The following MFSD11 variants were observed in gnomAD, a reference collection of about 807,000 sequenced individuals.
The protein encoded by MFSD11 is UNC93-like protein MFSD11.
Under a neutral mutation model 53.5 loss-of-function variants are expected in MFSD11, and 36 were observed. The observed-to-expected ratio is 0.67, with a 90% confidence interval of 0.52 to 0.89. MFSD11 has a LOEUF of 0.89. Ranked by LOEUF, MFSD11 falls within the 40% of genes least tolerant of loss-of-function variation. The pLI, the probability that MFSD11 is intolerant of heterozygous loss-of-function variation, is 0.00. For missense variants in MFSD11, 530 were observed against 543.9 expected, an observed-to-expected ratio of 0.97 and a Z score of 0.25; for synonymous variants, 186 against 184.9, an observed-to-expected ratio of 1.01 and a Z score of -0.05.
downstream of MFSD11, among the ~76,000 whole-genome samples, chr17:76,783,113 G>T (rs954638320): frequency 1.3e-5 from 2 of 148,670 alleles, no homozygotes; most frequent in Non-Finnish European, 3.0e-5. Flanking sequence ...GGAGGCAGAG[G>T]TTGCAGTGAG....
intron 7 of MFSD11, among the ~76,000 whole-genome samples, chr17:76,748,570 C>T (rs534678198): frequency 3.9e-5 from 6 of 151,924 alleles, no homozygotes; most frequent in African/African-American, 1.4e-4. Context: ...GCCTGTAGTC[C>T]CAGCTACTTG....
chr17:76,795,892 C>T, the MFSD11 span, among the ~76,000 whole-genome samples: 1 of 150,426 alleles, frequency 6.6e-6, no homozygotes, highest in Non-Finnish European at 1.5e-5. Context: ...GTCTCGATCT[C>T]CTGACCTCGT....
chr17:76,760,605 A>G (rs2080129020), intron 8 of MFSD11, among the ~76,000 whole-genome samples: 1 of 151,476 alleles, frequency 6.6e-6, no homozygotes, highest in Non-Finnish European at 1.5e-5. Flanking sequence ...ATCTCGGCTC[A>G]CTGCAACCTC....
chr17:76,766,096 T>G lies in MFSD11; in HGVS notation c.683-1290T>G, dbSNP rs534619146. On this transcript the variant is annotated intron_variant, in intron 8 of 12. Coordinates refer to ENST00000685175, the MANE Select transcript of MFSD11 (RefSeq NM_001242532.5). ...TAGATAATCTTTTAGAATTTCTTTT[T>G]GTTAGCTAAGTCTTCTGATTTTTCT... 2.1e-3 allele frequency among the ~76,000 whole-genome samples: 314 copies of G among 150,992 alleles called. 2 individuals carry two copies. Among genetic ancestry groups the G allele is most frequent in the African/African-American group, 7.4e-3 (305 of 41,016 alleles).
intron 7 of MFSD11, among the ~76,000 whole-genome samples, chr17:76,745,808 T>TTCAC (rs1568053354): frequency 2.4e-5 from 2 of 84,890 alleles, no homozygotes; most frequent in East Asian, 6.9e-4. Context: ...CACTTTATTA[T>TTCAC]TTACTTATTT....
At chr17:76,743,369 A>G in intron 5 of MFSD11, 29 bp from the exon 6 acceptor site, 1 of 1,423,492 alleles carries the variant, frequency 7.0e-7, no homozygotes, top group Non-Finnish European at 9.7e-7. Context: ...TAATTACCCA[A>G]CATCCTATCC....
chr17:76,789,057 G>A, the MFSD11 span, among the ~76,000 whole-genome samples: 2 of 149,850 alleles, frequency 1.3e-5, no homozygotes, highest in East Asian at 1.9e-4. Flanking sequence ...CAGGAGAATC[G>A]CTTGAACCCA....
At chr17:76,740,917 CTTTT>C (rs529882256) in intron 2 of MFSD11, 36 bp from the exon 3 acceptor site, 371 of 897,918 alleles carry the variant, frequency 4.1e-4, no homozygotes, top group South Asian at 6.6e-4. Context: ...GGGCTTTGTT[CTTTT>C]TTTTTTTTTT....
At chr17:76,744,716 A>T (rs2078393655) in intron 7 of MFSD11, among the ~76,000 whole-genome samples, 2 of 152,058 alleles carry the variant, frequency 1.3e-5, no homozygotes, top group Admixed American at 1.3e-4. Flanking sequence ...GATGTGTGTG[A>T]CCCTGGACAG....
intron 8 of MFSD11, among the ~76,000 whole-genome samples, chr17:76,765,944 A>G (rs1821388089): frequency 1.3e-5 from 2 of 151,600 alleles, no homozygotes; most frequent in South Asian, 4.2e-4. Context: ...TGTTATAATG[A>G]GCCTACACTG....
At chr17:76,755,395 T>C (rs2079460550) in intron 8 of MFSD11, among the ~76,000 whole-genome samples, 2 of 152,228 alleles carry the variant, frequency 1.3e-5, no homozygotes, top group South Asian at 2.1e-4. Context: ...GGGGCAGTTA[T>C]TCTCAAGAAG....
the MFSD11 span, among the ~76,000 whole-genome samples, chr17:76,786,464 G>A: frequency 6.6e-6 from 1 of 152,128 alleles, no homozygotes; most frequent in African/African-American, 2.4e-5. Context: ...TTAACTTGGG[G>A]ATTCACTAGG....
chr17:76,792,127 T>C, the MFSD11 span, among the ~76,000 whole-genome samples: 1 of 148,210 alleles, frequency 6.7e-6, no homozygotes, highest in Non-Finnish European at 1.5e-5. Context: ...AGGCACCCTT[T>C]TTTTTTTTTG....
At chr17:76,759,537 C>T (rs972690741) in intron 8 of MFSD11, among the ~76,000 whole-genome samples, 12 of 152,070 alleles carry the variant, frequency 7.9e-5, no homozygotes, top group African/African-American at 2.9e-4. Context: ...TCACTGCAAC[C>T]TCCGCCCCGC....
chr17:76,758,503 G>A (rs1164860679), intron 8 of MFSD11, among the ~76,000 whole-genome samples: 1 of 150,200 alleles, frequency 6.7e-6, no homozygotes, highest in African/African-American at 2.5e-5. Context: ...GGATTGCTTG[G>A]GCCCTGGAGG....
In MFSD11 at chr17:76,741,961, T is replaced by C. The variant is rs749354555; in HGVS notation, c.261-8T>C. The C allele has an allele frequency of 2.5e-6, 4 of 1,614,178 alleles. No individual in the cohort carries two copies. Among genetic ancestry groups the C allele is most frequent in the Middle Eastern group, 1.7e-4 (1 of 6,060 alleles). ...TTGACTGTAATACCTTGACCTGTTATATTTTAGCATGTACATTGCCGTTTT... is the reference window on the plus strand; with the variant it reads ...TTGACTGTAATACCTTGACCTGTTACATTTTAGCATGTACATTGCCGTTTT... On this transcript the variant is annotated splice_polypyrimidine_tract_variant and splice_region_variant and intron_variant, in intron 3 of 12. Transcript: ENST00000685175.
intron 9 of MFSD11, among the ~76,000 whole-genome samples, chr17:76,768,332 C>A (rs1158011488): frequency 2.7e-5 from 4 of 148,166 alleles, no homozygotes; most frequent in African/African-American, 9.9e-5. Context: ...AAAGTCATTT[C>A]TAATGAAATA....
At chr17:76,743,487 T>C in intron 6 of MFSD11, 31 bp downstream of exon 6, 1 of 1,450,928 alleles carries the variant, frequency 6.9e-7, no homozygotes, top group Non-Finnish European at 9.4e-7. Context: ...TTTATTCAGA[T>C]ATGTTCAAAG....
chr17:76,737,227 G>T (rs747137211), upstream of MFSD11: 18 of 1,465,940 alleles, frequency 1.2e-5, no homozygotes, highest in African/African-American at 1.3e-4. Context: ...GCGGTGCGAC[G>T]CCGCGCCTCT....
Sources: gnomAD v4.1 joint callset for allele counts (sites outside exome capture counted in the v4.1 genomes callset) on GRCh38, gnomAD v4.1.1 for gene constraint, MANE v1.5 for transcripts, NCBI Gene and HGNC (gene_info 2026-07-23, HGNC 2026-07-21) for gene names.